The following ANK2 variants were observed in gnomAD, a reference collection of about 807,000 sequenced individuals.
The protein encoded by ANK2 is ankyrin 2, also known as ankyrin-2.
Under a neutral mutation model 360.5 loss-of-function variants are expected in ANK2, and 83 were observed. The observed-to-expected ratio is 0.23, with a 90% CI of 0.19 to 0.28. ANK2 has a LOEUF of 0.28. Among genes scored for constraint, ANK2 ranks in the 10% least tolerant of loss-of-function variants. ANK2 has a pLI of 1.00. For missense variants in ANK2, 4,201 were observed against 4,795.7 expected (o/e 0.88, Z 3.66); for synonymous variants, 1,740 against 1,759.5 (o/e 0.99, Z 0.28).
At chr4:113,311,538 T>C in intron 24 of ANK2, 139 bp downstream of exon 24, 1 of 1,174,762 alleles carries the variant, frequency 8.5e-7, no homozygotes, top group East Asian at 2.6e-5. Flanking sequence ...TGTTATGTTT[T>C]TCCATTGTCT....
chr4:113,330,192 T>C, intron 26 of ANK2, 54 bp from the exon 27 acceptor site: 1 of 1,528,660 alleles, frequency 6.5e-7, no homozygotes, highest in Non-Finnish European at 8.9e-7. Flanking sequence ...ACAAAGCTTG[T>C]TCATCTGCCC....
chr4:113,356,904 A>C lies in ANK2; in HGVS notation c.8286A>C (p.Leu2762=), dbSNP rs751252941. ...CTGAAGACAGGTCTTATGATAAGCT[A>C]AACAGAGACACTGATCAGCCAAAAA... ...TEAEDRSYDK[L]NRDTDQPKIC... The change falls in exon 38 of 46, where the codon CTA becomes CTC. Residue 2762 remains leucine, a synonymous_variant. Transcript: ENST00000357077. 3 of 1,614,092 alleles carry C rather than the reference A, an allele frequency of 1.9e-6. No individual in the cohort carries two copies.
At chr4:112,743,954 G>A in the ANK2 span, among the ~76,000 whole-genome samples, 22 of 151,626 alleles carry the variant, frequency 1.5e-4, no homozygotes, top group African/African-American at 4.6e-4. Flanking sequence ...TCAGCCTCCC[G>A]AGTAGCTGAG....
intron 1 of ANK2, among the ~76,000 whole-genome samples, chr4:113,082,450 C>T (rs943079508): frequency 9.9e-5 from 15 of 152,148 alleles, no homozygotes; most frequent in Non-Finnish European, 1.8e-4. Context: ...AGCATGCCTT[C>T]TTATTTGTAT....
chr4:112,860,455 G>A (rs937249699), intron 1 of ANK2, among the ~76,000 whole-genome samples: 5 of 152,042 alleles, frequency 3.3e-5, no homozygotes, highest in African/African-American at 1.2e-4. Flanking sequence ...TCGAACTCCT[G>A]ACCTCATGAT....
In ANK2 at chr4:113,365,144, C is replaced by T. The variant is rs2154053452; in HGVS notation, c.10994C>T (p.Ala3665Val). 1.9e-6 allele frequency: 3 copies of T among 1,613,552 alleles called. No homozygotes were observed. In the South Asian group the frequency reaches 3.3e-5, roughly 18 times the overall value. The change falls in exon 41 of 46, where the codon GCA becomes GTA. Residue 3665 changes from alanine (A) to valine (V), a missense_variant. By Grantham distance (64) the Ala-to-Val change is moderately conservative (BLOSUM62 0). Coordinates refer to ENST00000357077, the MANE Select transcript of ANK2 (RefSeq NM_001148.6). ...PLQERISHSY[A>V]EIEQTITLDH... ...CAGGAGCGCATCAGTCATAGTTATG[C>T]AGAAATTGAACAGACCATTACACTG... is the stretch of plus-strand genomic sequence containing the variant.
At chr4:113,224,297 T>C (rs1178960848) in intron 4 of ANK2, among the ~76,000 whole-genome samples, 3 of 152,242 alleles carry the variant, frequency 2.0e-5, no homozygotes, top group Admixed American at 2.0e-4. Context: ...TTTATTCCTT[T>C]ATGTAACAAA....
chr4:112,727,100 T>C, the ANK2 span, among the ~76,000 whole-genome samples: 1 of 152,080 alleles, frequency 6.6e-6, no homozygotes, highest in Non-Finnish European at 1.5e-5. Flanking sequence ...CTATGTTCTG[T>C]GTTGTTTAAC....
At chr4:113,258,514 CA>C in intron 13 of ANK2, 103 bp downstream of exon 13, 1 of 1,158,768 alleles carries the variant, frequency 8.6e-7, no homozygotes, top group Non-Finnish European at 1.3e-6. Flanking sequence ...TCGAAGTAAG[CA>C]ACCAAGCTTT....
intron 1 of ANK2, among the ~76,000 whole-genome samples, chr4:113,137,173 T>C (rs2096459536): frequency 1.3e-5 from 2 of 152,314 alleles, no homozygotes; most frequent in South Asian, 4.1e-4. Context: ...AGGGAGTTCC[T>C]TGAATAGGTC....
the ANK2 span, among the ~76,000 whole-genome samples, chr4:112,737,314 A>G: frequency 6.6e-6 from 1 of 152,228 alleles, no homozygotes; most frequent in Non-Finnish European, 1.5e-5. Context: ...GAAATATGTA[A>G]GTTCTCTCTG....
chr4:112,938,238 G>A (rs1160657269), intron 2 of ANK2, among the ~76,000 whole-genome samples: 5 of 152,146 alleles, frequency 3.3e-5, no homozygotes, highest in Non-Finnish European at 1.5e-5. Context: ...AGAAACTGAG[G>A]TTCATGGTGA....
At chr4:113,082,076 T>C (rs796848169) in intron 1 of ANK2, among the ~76,000 whole-genome samples, 13 of 152,322 alleles carry the variant, frequency 8.5e-5, no homozygotes, top group African/African-American at 2.9e-4. Context: ...CCCAGAGTGC[T>C]GGGATTACAG....
At chr4:112,976,944 C>T (rs1018876069) in intron 2 of ANK2, among the ~76,000 whole-genome samples, 8 of 152,186 alleles carry the variant, frequency 5.3e-5, no homozygotes, top group Admixed American at 2.0e-4. Flanking sequence ...TAGCATCTAG[C>T]GCTGGGGTTT....
rs544908360 is a variant in ANK2, at chr4:113,369,164, C to A, written c.11319-350C>A. Among the ~76,000 whole-genome samples, 4 of 152,236 alleles carry A rather than the reference C, an allele frequency of 2.6e-5. No individual in the cohort carries two copies. The South Asian group carries it at 8.3e-4, about 32-fold the overall frequency. Reference sequence around the variant, plus strand: ...TCAAAAGCCTTATTATCTACAAATACTTATGTAAAATTCCTCGCATCCTCA... The same window carrying A: ...TCAAAAGCCTTATTATCTACAAATAATTATGTAAAATTCCTCGCATCCTCA... On this transcript the variant is annotated intron_variant, in intron 42 of 45. Transcript: ENST00000357077.
chr4:113,365,514 G>A (rs552479935), intron 41 of ANK2, among the ~76,000 whole-genome samples: 2 of 152,114 alleles, frequency 1.3e-5, no homozygotes, highest in South Asian at 4.1e-4. Context: ...CTCACAACTA[G>A]GACTATATCA....
intron 24 of ANK2, among the ~76,000 whole-genome samples, chr4:113,313,445 C>T (rs2081147823): frequency 6.6e-6 from 1 of 152,142 alleles, no homozygotes; most frequent in African/African-American, 2.4e-5. Flanking sequence ...CAATACTTTT[C>T]AGCACATAAG....
At chr4:113,175,342 T>C (rs1028333210) in intron 2 of ANK2, among the ~76,000 whole-genome samples, 1 of 152,236 alleles carries the variant, frequency 6.6e-6, no homozygotes, top group Middle Eastern at 3.2e-3. Context: ...CTGAAATTAA[T>C]AAATCTTTCA....
chr4:113,249,665 C>A, intron 9 of ANK2, 99 bp from the exon 10 acceptor site: 1 of 1,073,020 alleles, frequency 9.3e-7, no homozygotes, highest in Non-Finnish European at 1.4e-6. Context: ...ATTGAGTAAT[C>A]AGGATTGAGT....
Sources: gnomAD v4.1 joint callset for allele counts (sites outside exome capture counted in the v4.1 genomes callset) on GRCh38, gnomAD v4.1.1 for gene constraint, MANE v1.5 for transcripts, NCBI Gene and HGNC (gene_info 2026-07-23, HGNC 2026-07-21) for gene names.